EIF3H: variants seen among roughly 807,000 people sequenced by gnomAD.
EIF3H encodes the protein eIF-3-gamma.
In EIF3H, 26 loss-of-function variants were observed where a neutral mutation model predicts 44.2. The observed-to-expected ratio is 0.59, with a 90% CI of 0.43 to 0.82. EIF3H has a LOEUF of 0.82. Among genes scored for constraint, EIF3H ranks in the 40% least tolerant of loss-of-function variants. The pLI is 0.00. For missense variants in EIF3H, 359 were observed against 432.8 expected (o/e 0.83, Z 1.51); for synonymous variants, 166 against 151.9 (o/e 1.09, Z -0.68).
At chr8:116,724,236 G>A (rs1586477817) in intron 2 of EIF3H, among the ~76,000 whole-genome samples, 3 of 152,162 alleles carry the variant, frequency 2.0e-5, no homozygotes, top group Non-Finnish European at 2.9e-5. Flanking sequence ...GATGGTGCTA[G>A]GAAAACTGGA....
chr8:116,749,386 G>C (rs1815291026), intron 1 of EIF3H, among the ~76,000 whole-genome samples: 1 of 152,164 alleles, frequency 6.6e-6, no homozygotes, highest in African/African-American at 2.4e-5. Context: ...GGTCAGGAGA[G>C]GGGCCTGAGA....
At chr8:116,759,102 A>G (rs960304078), upstream of EIF3H, among the ~76,000 whole-genome samples, 3 of 152,232 alleles carry the variant, frequency 2.0e-5, no homozygotes, top group Non-Finnish European at 2.9e-5. Context: ...AAGGAAGTTC[A>G]ATATTGTGGG....
At chr8:116,717,140 C>A (rs1249616125) in intron 2 of EIF3H, among the ~76,000 whole-genome samples, 1 of 151,956 alleles carries the variant, frequency 6.6e-6, no homozygotes, top group East Asian at 1.9e-4. Flanking sequence ...TAATAAAAAT[C>A]TACTGGTGAC....
chr8:116,719,230 T>A (rs905216614), intron 2 of EIF3H, among the ~76,000 whole-genome samples: 1 of 152,176 alleles, frequency 6.6e-6, no homozygotes, highest in Non-Finnish European at 1.5e-5. Context: ...ATCAACTGCA[T>A]AATAATGGGC....
At chr8:116,681,909 T>C (rs1206294435) in intron 2 of EIF3H, among the ~76,000 whole-genome samples, 1 of 152,174 alleles carries the variant, frequency 6.6e-6, no homozygotes, top group East Asian at 1.9e-4. Context: ...AAGTGATAGT[T>C]AAGTTTAAAG....
intron 2 of EIF3H, among the ~76,000 whole-genome samples, chr8:116,674,618 C>G (rs2130824610): frequency 6.6e-6 from 1 of 152,248 alleles, no homozygotes; most frequent in Middle Eastern, 3.4e-3. Context: ...CTGAGCAGAT[C>G]AACTACGAGC....
rs1462801468 is a variant in EIF3H at position 116,743,803 on chromosome 8, C to A, written c.132+11863G>T. Among the ~76,000 whole-genome samples the A allele has an allele frequency of 9.1e-3, 586 of 64,338 alleles. 1 individual carries two copies. Among genetic ancestry groups the A allele is most frequent in the East Asian group, 0.034 (38 of 1,112 alleles). The allele number at this position is 64,338 out of a possible 152,430, so 42.2% of individuals were successfully genotyped here. ...ATATATATATATATATATATAAACA[C>A]ACACACACACACACACACACACACA... On this transcript the variant is annotated intron_variant, in intron 1 of 7. Coordinates refer to ENST00000521861, the MANE Select transcript of EIF3H (RefSeq NM_003756.3).
chr8:116,655,245 T>C (rs1301990752), intron 5 of EIF3H, among the ~76,000 whole-genome samples: 1 of 151,286 alleles, frequency 6.6e-6, no homozygotes, highest in Non-Finnish European at 1.5e-5. Context: ...GAAACCTCAA[T>C]CTGCATTTTA....
chr8:116,705,854 G>A (rs564107207), intron 2 of EIF3H, among the ~76,000 whole-genome samples: 29 of 152,004 alleles, frequency 1.9e-4, no homozygotes, highest in Admixed American at 2.0e-4. Flanking sequence ...AGTAATATAA[G>A]ATGGGAATAT....
At chr8:116,744,541 T>C (rs912684887) in intron 1 of EIF3H, among the ~76,000 whole-genome samples, 1 of 152,200 alleles carries the variant, frequency 6.6e-6, no homozygotes, top group African/African-American at 2.4e-5. Context: ...ACAAGTACAG[T>C]TTGTCATCAA....
intron 1 of EIF3H, among the ~76,000 whole-genome samples, chr8:116,752,688 GAAAGAAAGAA>G (rs1815363428): frequency 8.4e-6 from 1 of 118,532 alleles, no homozygotes; most frequent in Non-Finnish European, 1.8e-5. Flanking sequence ...AAGAAAGAAA[GAAAGAAAGAA>G]AGAAAGAAAG....
At chr8:116,688,918 T>C (rs1054114233) in intron 2 of EIF3H, among the ~76,000 whole-genome samples, 1 of 152,154 alleles carries the variant, frequency 6.6e-6, no homozygotes, top group African/African-American at 2.4e-5. Flanking sequence ...GGATTGTATG[T>C]AGAGTTACCA....
At chr8:116,701,196 G>T (rs1045019684) in intron 2 of EIF3H, among the ~76,000 whole-genome samples, 1 of 152,024 alleles carries the variant, frequency 6.6e-6, no homozygotes, top group African/African-American at 2.4e-5. Context: ...CTTTAGCTTC[G>T]TATGCAATTC....
Position 116,705,273 on chromosome 8 carries a change from T to C in EIF3H, c.289+20743A>G, listed in dbSNP as rs1206839528. ...ACCCATGTTGTTCAGACTATGAAAA[T>C]ATTAGCAAGAATCAATATAAGGAGA... is the stretch of plus-strand genomic sequence containing the variant. On this transcript the variant is annotated intron_variant, in intron 2 of 7. Transcript: ENST00000521861. 2.0e-5 allele frequency among the ~76,000 whole-genome samples: 3 copies of C among 152,168 alleles called. No individual in the cohort carries two copies. In the East Asian group the frequency reaches 5.8e-4, roughly 29 times the overall value.
At chr8:116,724,633 C>T (rs1169608924) in intron 2 of EIF3H, among the ~76,000 whole-genome samples, 1 of 151,962 alleles carries the variant, frequency 6.6e-6, no homozygotes, top group Non-Finnish European at 1.5e-5. Context: ...AAGCAAAGGA[C>T]TTGAATAGAC....
At chr8:116,655,068 A>G (rs1234025642) in intron 5 of EIF3H, among the ~76,000 whole-genome samples, 1 of 152,026 alleles carries the variant, frequency 6.6e-6, no homozygotes, top group Non-Finnish European at 1.5e-5. Flanking sequence ...TCATTCCACA[A>G]GTCTGCTGCT....
chr8:116,651,411 T>C (rs1288118262), intron 5 of EIF3H, among the ~76,000 whole-genome samples: 5 of 152,204 alleles, frequency 3.3e-5, no homozygotes, highest in South Asian at 2.1e-4. Flanking sequence ...GTTGGGAATA[T>C]TGAGAATGAA....
intron 2 of EIF3H, among the ~76,000 whole-genome samples, chr8:116,666,753 CAAAA>C (rs56700266): frequency 5.9e-4 from 42 of 71,444 alleles, no homozygotes; most frequent in South Asian, 1.2e-3. Context: ...TAGTGTTAGG[CAAAA>C]AAAAAAAAAA....
At chr8:116,649,035 G>A (rs1813349270) in intron 5 of EIF3H, 109 bp from the exon 6 acceptor site, 2 of 960,974 alleles carry the variant, frequency 2.1e-6, no homozygotes, top group Non-Finnish European at 2.9e-6. Flanking sequence ...CTAAAAGAAT[G>A]AGAGCACACA....
Sources: allele counts gnomAD v4.1 joint callset (sites outside exome capture counted in the v4.1 genomes callset), GRCh38; gene constraint gnomAD v4.1.1; transcripts MANE v1.5; gene names NCBI Gene and HGNC (gene_info 2026-07-23, HGNC 2026-07-21).